TTC39B: variants seen among roughly 807,000 people sequenced by gnomAD.
TTC39B encodes tetratricopeptide repeat protein 39B.
A neutral mutation model predicts 96.6 loss-of-function variants in TTC39B; 92 were observed. The ratio of observed to expected loss-of-function variants is 0.95; its 90% CI spans 0.80 to 1.13. The LOEUF (loss-of-function observed/expected upper bound fraction) is 1.13, where lower values mean the gene tolerates loss of function less well. Ranked by LOEUF, TTC39B falls within the 50% of genes most tolerant of loss-of-function variation. The probability of loss-of-function intolerance (pLI) is 0.00; values close to 1 mark genes in which losing one functional copy is unlikely to be tolerated. For missense variants in TTC39B, 955 were observed against 809.3 expected, an observed-to-expected ratio of 1.18 and a Z score of -2.18; for synonymous variants, 367 against 299.4, an observed-to-expected ratio of 1.23 and a Z score of -2.33.
intron 19 of TTC39B, among the ~76,000 whole-genome samples, chr9:15,174,336 G>A (rs929642007): frequency 2.0e-5 from 3 of 152,182 alleles, no homozygotes; most frequent in South Asian, 2.1e-4. Context: ...CACTGTTTAT[G>A]ACCTAGAGCT....
chr9:15,300,233 G>C (rs890902211), intron 1 of TTC39B, among the ~76,000 whole-genome samples: 1 of 152,118 alleles, frequency 6.6e-6, no homozygotes, highest in Admixed American at 6.6e-5. Flanking sequence ...CTCCTACCCA[G>C]CTGAAAGGAA....
chr9:15,286,104 C>T (rs1370169874), intron 1 of TTC39B, among the ~76,000 whole-genome samples: 1 of 152,342 alleles, frequency 6.6e-6, no homozygotes, highest in Non-Finnish European at 1.5e-5. Context: ...TATCCTCTTA[C>T]ATGGCCACAG....
At chr9:15,289,235 A>G (rs1824091305) in intron 1 of TTC39B, among the ~76,000 whole-genome samples, 1 of 152,242 alleles carries the variant, frequency 6.6e-6, no homozygotes, top group Non-Finnish European at 1.5e-5. Context: ...CAAAAATAAA[A>G]TGACTATCAG....
intron 2 of TTC39B, among the ~76,000 whole-genome samples, chr9:15,262,042 C>T (rs1391647992): frequency 1.3e-5 from 2 of 151,976 alleles, no homozygotes; most frequent in Admixed American, 6.6e-5. Context: ...CTCCTTATGC[C>T]GAACAGGTCA....
At chr9:15,265,570 T>A (rs1823101310) in intron 2 of TTC39B, among the ~76,000 whole-genome samples, 2 of 152,182 alleles carry the variant, frequency 1.3e-5, no homozygotes, top group African/African-American at 4.8e-5. Flanking sequence ...TGAATGGCGA[T>A]CACTTGCCCA....
intron 1 of TTC39B, among the ~76,000 whole-genome samples, chr9:15,274,932 T>A (rs28703293): frequency 0.065 from 9,846 of 152,190 alleles, 413 homozygotes; most frequent in African/African-American, 0.11. Flanking sequence ...TAAACATTCA[T>A]CAGTTGAGAT....
exon 20 of TTC39B, chr9:15,166,325 C>T (rs1817516279): frequency 6.6e-6 from 1 of 152,146 alleles, no homozygotes; most frequent in Non-Finnish European, 1.5e-5. Context: ...CTGTGCTAAA[C>T]ACATATCATG....
exon 1 of TTC39B, chr9:15,307,143 T>G: frequency 6.2e-7 from 1 of 1,607,874 alleles, no homozygotes; most frequent in East Asian, 2.2e-5. Flanking sequence ...CTCTGGCTGC[T>G]GCCACCCAAA....
At chr9:15,280,837 G>C (rs1209870032) in intron 1 of TTC39B, among the ~76,000 whole-genome samples, 2 of 152,128 alleles carry the variant, frequency 1.3e-5, no homozygotes, top group East Asian at 3.9e-4. Context: ...TGCTTGCAGT[G>C]GGGTTTAGTA....
At chr9:15,214,033 A>G (rs1041582193) in intron 4 of TTC39B, 106 bp downstream of exon 4, 17 of 787,526 alleles carry the variant, frequency 2.2e-5, no homozygotes, top group Non-Finnish European at 3.0e-5. Flanking sequence ...AAATTAGCTT[A>G]TCAATATTCA....
At chr9:15,279,616 T>C (rs1823677288) in intron 1 of TTC39B, among the ~76,000 whole-genome samples, 1 of 152,166 alleles carries the variant, frequency 6.6e-6, no homozygotes, top group South Asian at 2.1e-4. Flanking sequence ...ATGCATCCAG[T>C]AGAAAGATGA....
chr9:15,250,013 A>G, intron 2 of TTC39B: 4 of 1,288,480 alleles, frequency 3.1e-6, no homozygotes, highest in Non-Finnish European at 4.0e-6. Context: ...TAAGCCAACT[A>G]AAAGAAGAGA....
intron 6 of TTC39B, among the ~76,000 whole-genome samples, chr9:15,208,069 A>G (rs1188259214): frequency 2.0e-5 from 3 of 150,124 alleles, no homozygotes; most frequent in East Asian, 4.0e-4. Flanking sequence ...TTACTCTGTC[A>G]CCCAGGCAGA....
At chr9:15,251,505 T>C (rs1250172771) in intron 2 of TTC39B, among the ~76,000 whole-genome samples, 2 of 151,780 alleles carry the variant, frequency 1.3e-5, no homozygotes, top group Non-Finnish European at 2.9e-5. Flanking sequence ...CAGGTTGCGG[T>C]GAGCTGAGTA....
intron 2 of TTC39B, among the ~76,000 whole-genome samples, chr9:15,227,240 G>A (rs1586915540): frequency 2.0e-5 from 3 of 151,772 alleles, no homozygotes; most frequent in Admixed American, 6.6e-5. Context: ...CCCAGGAGGC[G>A]GAGGTTGCGG....
At chr9:15,175,997 A>G (rs1817917005) in intron 18 of TTC39B, among the ~76,000 whole-genome samples, 1 of 152,242 alleles carries the variant, frequency 6.6e-6, no homozygotes, top group Non-Finnish European at 1.5e-5. Context: ...AGAAGAAAAA[A>G]GAATTCCTTA....
At chr9:15,188,103 T>C in exon 14 of TTC39B, 1 of 1,607,852 alleles carries the variant, frequency 6.2e-7, no homozygotes, top group South Asian at 1.1e-5. Flanking sequence ...CTTCTTGAAC[T>C]GAAATGCATT....
At position 15,172,102 on chromosome 9, in the gene TTC39B, A is replaced by G. The variant is rs1316617438; in HGVS notation, c.1966T>C (p.Tyr656His). The G allele has an allele frequency of 4.3e-6, 7 of 1,611,476 alleles. No homozygotes were observed. Among genetic ancestry groups the G allele is most frequent in the Non-Finnish European group, 5.9e-6 (7 of 1,178,320 alleles). Residue 656 changes from tyrosine (Y) to histidine (H), a missense_variant, in exon 20 of 20, where the codon TAC (tyrosine) becomes CAC (histidine). Tyr to His is a moderately conservative substitution (Grantham distance 83). Transcript: ENST00000512701. ...CTGGACTCCAGGGAGTAATCTTTGT[A>G]GTTGTTCCTGAAGACAATAACAATA... is the stretch of plus-strand genomic sequence containing the variant.
At chr9:15,277,403 G>A (rs753014377) in intron 1 of TTC39B, among the ~76,000 whole-genome samples, 1 of 152,162 alleles carries the variant, frequency 6.6e-6, no homozygotes, top group Non-Finnish European at 1.5e-5. Flanking sequence ...ACTCCAGCCC[G>A]AGCAACAAGA....
Sources: gnomAD v4.1 joint callset for allele counts (sites outside exome capture counted in the v4.1 genomes callset) on GRCh38, gnomAD v4.1.1 for gene constraint, MANE v1.5 for transcripts, NCBI Gene and HGNC (gene_info 2026-07-23, HGNC 2026-07-21) for gene names.